The following PIK3R5 variants were observed in gnomAD, a reference collection of about 807,000 sequenced individuals.
The protein encoded by PIK3R5 is phosphoinositide 3-kinase regulatory subunit 5.
In PIK3R5, 32 loss-of-function variants were observed where a neutral mutation model predicts 94.9. The ratio of observed to expected loss-of-function variants is 0.34; its 90% CI spans 0.25 to 0.45. The LOEUF is 0.45. Ranked by LOEUF, PIK3R5 falls within the 20% of genes least tolerant of loss-of-function variation. The probability of loss-of-function intolerance (pLI) is 1.00; values close to 1 mark genes in which losing one functional copy is unlikely to be tolerated. For synonymous variants in PIK3R5, 443 were observed against 479.4 expected (o/e 0.92, Z 0.99); for missense variants, 853 against 1,144.6 (o/e 0.75, Z 3.68).
chr17:8,916,966 A>G (rs537370493), intron 1 of PIK3R5: 1 of 152,404 alleles, frequency 6.6e-6, no homozygotes, highest in South Asian at 2.1e-4. Context: ...AGGCCCATGC[A>G]GTCCTGGGCT....
At chr17:8,932,407 G>C (rs955724545) in intron 1 of PIK3R5, among the ~76,000 whole-genome samples, 4 of 152,056 alleles carry the variant, frequency 2.6e-5, no homozygotes, top group African/African-American at 9.7e-5. Flanking sequence ...GCTGATTTTT[G>C]TATTTTTAAT....
rs1394484297 is a variant in PIK3R5 at position 8,888,912 on chromosome 17, C to T, written c.896-21G>A. The T allele has an allele frequency of 1.9e-6, 3 of 1,582,140 alleles. No homozygotes were observed. Among genetic ancestry groups the T allele is most frequent in the African/African-American group, 1.3e-5 (1 of 74,574 alleles). On this transcript the variant is annotated intron_variant, in intron 9 of 18. Transcript: ENST00000447110. The surrounding 1 kb of genome is among the most constrained non-coding windows in gnomAD (Gnocchi z 7.8). ...GATGTCTGCAGGGAAGCAAGGCCAG[C>T]ACTGTCTGGGCGTCTGGGCCCCGGA...
intron 5 of PIK3R5, among the ~76,000 whole-genome samples, chr17:8,903,275 TTAATA>T (rs1475569334): frequency 6.6e-6 from 1 of 151,828 alleles, no homozygotes; most frequent in African/African-American, 2.4e-5. Context: ...TTTTGTATAT[TTAATA>T]TATTTCTAGA....
intron 1 of PIK3R5, among the ~76,000 whole-genome samples, chr17:8,942,976 A>ACACACACACAC (rs1205127809): frequency 6.6e-6 from 1 of 151,758 alleles, no homozygotes; most frequent in Non-Finnish European, 1.5e-5. Flanking sequence ...ACACACACAC[A>ACACACACACAC]CACACACACA....
chr17:8,902,924 G>C (rs2090320202), intron 5 of PIK3R5, among the ~76,000 whole-genome samples: 1 of 147,854 alleles, frequency 6.8e-6, no homozygotes, highest in Admixed American at 6.7e-5. Flanking sequence ...GGAGGCACTT[G>C]AACCTCCACC....
At chr17:8,952,564 A>T (rs75193090) in intron 1 of PIK3R5, among the ~76,000 whole-genome samples, 1,847 of 152,314 alleles carry the variant, frequency 0.012, 50 homozygotes, top group African/African-American at 0.04. Flanking sequence ...TAAAGGCCAG[A>T]CACTCATTGG....
intron 1 of PIK3R5, among the ~76,000 whole-genome samples, chr17:8,912,691 G>A (rs2090551471): frequency 6.6e-6 from 1 of 152,218 alleles, no homozygotes. Flanking sequence ...AGGAAGCACA[G>A]AGCTCAGAGC....
rs2090150184 is a variant in PIK3R5, at chr17:8,896,228, T to C, written c.413-2573A>G. The stretch of plus-strand genomic sequence containing the variant: ...TGGTTTTCACAATGTTACCTGGTGA[T>C]GCCAGGGAGGCCATGAATGCTAAGT... On this transcript the variant is annotated intron_variant, in intron 5 of 18. Coordinates refer to ENST00000447110, the MANE Select transcript of PIK3R5 (RefSeq NM_001142633.3). This position sits in a 1 kb window ranked among gnomAD's most constrained non-coding sequence, Gnocchi z 4.0. Among the ~76,000 whole-genome samples, 1 of 152,148 alleles carries C rather than the reference T, an allele frequency of 6.6e-6. No individual in the cohort carries two copies. The highest frequency in any genetic ancestry group is 2.4e-5 in the African/African-American group (1 of 41,414).
chr17:8,898,083 T>C (rs1465474541), intron 5 of PIK3R5, among the ~76,000 whole-genome samples: 1 of 152,266 alleles, frequency 6.6e-6, no homozygotes, highest in African/African-American at 2.4e-5. Context: ...CACCTGCCTC[T>C]ACTCTTTTCC....
Position 8,881,989 on chromosome 17 carries a change from C to T in PIK3R5, c.2206-108G>A, listed in dbSNP as rs2089679047. ...GGGGGTTGCCTCTAGTTAGCATATC[C>T]CCAGAAAGCCCTCTCTTATTCACCA... On this transcript the variant is annotated intron_variant, in intron 15 of 18. Coordinates refer to ENST00000447110, the MANE Select transcript of PIK3R5 (RefSeq NM_001142633.3). This position sits in a 1 kb window ranked among gnomAD's most constrained non-coding sequence, Gnocchi z 4.8. 5.1e-6 allele frequency: 4 copies of T among 779,224 alleles called. No homozygotes were observed. Among genetic ancestry groups the T allele is most frequent in the Non-Finnish European group, 6.6e-6 (3 of 455,356 alleles). 48.3% of individuals were successfully genotyped at this position (779,224 alleles called of 1,614,324 possible).
rs1006046585 is a variant in PIK3R5 at position 8,910,017 on chromosome 17, G to A, written c.104-843C>T. Among the ~76,000 whole-genome samples, 13 of 152,238 alleles carry A rather than the reference G, an allele frequency of 8.5e-5. 1 individual carries two copies. Among genetic ancestry groups the A allele is most frequent in the African/African-American group, 2.2e-4 (9 of 41,450 alleles). On this transcript the variant is annotated intron_variant, in intron 2 of 18. Transcript: ENST00000447110. ...AGTTCTATTTTAAAAGCTGCCATGA[G>A]CACTTTGTCACTCTGTAACTTCCCC...
intron 5 of PIK3R5, among the ~76,000 whole-genome samples, chr17:8,897,530 C>T (rs1438854380): frequency 6.6e-6 from 1 of 152,200 alleles, no homozygotes; most frequent in Non-Finnish European, 1.5e-5. Context: ...CCTTTCACCA[C>T]CCTGGTGAGA....
chr17:8,905,220 T>C (rs534693157), intron 4 of PIK3R5, among the ~76,000 whole-genome samples: 1 of 152,394 alleles, frequency 6.6e-6, no homozygotes, highest in South Asian at 2.1e-4. Flanking sequence ...TTGTTATGGA[T>C]AATGGTCTTC....
intron 5 of PIK3R5, among the ~76,000 whole-genome samples, chr17:8,902,165 C>T (rs2090297804): frequency 6.8e-6 from 1 of 147,722 alleles, no homozygotes; most frequent in African/African-American, 2.5e-5. Flanking sequence ...GTACTTGAAT[C>T]ATATTTATTC....
intron 1 of PIK3R5, among the ~76,000 whole-genome samples, chr17:8,938,445 T>G (rs2091115961): frequency 6.6e-6 from 1 of 152,186 alleles, no homozygotes; most frequent in South Asian, 2.1e-4. Flanking sequence ...TTTACTATAC[T>G]CACTAAGTAT....
rs2091057954 is a variant in PIK3R5, at chr17:8,935,590, AT to A, written c.-13-24084del. On this transcript the variant is annotated intron_variant, in intron 1 of 18. Transcript: ENST00000447110. This position sits in a 1 kb window ranked among gnomAD's most constrained non-coding sequence, Gnocchi z 4.5. ...TCAGAGTACAAATACAGGATAATTT[AT>A]ATTTCTATTAATTTATTTCTTTCTG... Among the ~76,000 whole-genome samples, 1 of 152,152 alleles carries A rather than the reference AT, an allele frequency of 6.6e-6. No homozygotes were observed. The highest frequency in any genetic ancestry group is 1.5e-5 in the Non-Finnish European group (1 of 68,036).
At chr17:8,895,146 C>T (rs1384097909) in intron 5 of PIK3R5, among the ~76,000 whole-genome samples, 1 of 152,188 alleles carries the variant, frequency 6.6e-6, no homozygotes, top group Non-Finnish European at 1.5e-5. Context: ...ACGTGCATTA[C>T]AGAGAAGAGA....
Position 8,888,089 on chromosome 17 carries a change from C to T in PIK3R5, c.1616+82G>A, listed in dbSNP as rs1055487226. 46 of 1,213,898 alleles carry T rather than the reference C, an allele frequency of 3.8e-5. No homozygotes were observed. The highest frequency in any genetic ancestry group is 1.5e-4 in the Admixed American group (8 of 52,298). The allele number at this position is 1,213,898 out of a possible 1,614,324, so 75.2% of individuals were successfully genotyped here. A position where few individuals can be genotyped will look rare whatever the true frequency, so the allele number is the denominator to read the frequency against. On this transcript the variant is annotated intron_variant, in intron 10 of 18. Coordinates refer to ENST00000447110, the MANE Select transcript of PIK3R5 (RefSeq NM_001142633.3). The surrounding 1 kb of genome is among the most constrained non-coding windows in gnomAD (Gnocchi z 7.8). Reference sequence around the variant, plus strand: ...AGGGAACTTTTGGTTCCTCTGGGGCCCTAAGCCTCAGGCCCCAGATTCCAC... The same window carrying T: ...AGGGAACTTTTGGTTCCTCTGGGGCTCTAAGCCTCAGGCCCCAGATTCCAC...
rs1022309549 is a variant in PIK3R5, at chr17:8,893,775, G to A, written c.413-120C>T. ...GGAAATTCCCGGATGGAGCTCAGGCGAACCTGCAGAGAAGCTGTTCTGTGG... is the reference window on the plus strand; with the variant it reads ...GGAAATTCCCGGATGGAGCTCAGGCAAACCTGCAGAGAAGCTGTTCTGTGG... On this transcript the variant is annotated intron_variant, in intron 5 of 18. Coordinates refer to ENST00000447110, the MANE Select transcript of PIK3R5 (RefSeq NM_001142633.3). The surrounding 1 kb of genome is among the most constrained non-coding windows in gnomAD (Gnocchi z 5.1). 17 of 725,794 alleles carry A rather than the reference G, an allele frequency of 2.3e-5. No individual in the cohort carries two copies. The highest frequency in any genetic ancestry group is 1.1e-4 in the Admixed American group (5 of 47,322). The allele number at this position is 725,794 out of a possible 1,614,324, so 45.0% of individuals were successfully genotyped here.
Sources: gnomAD v4.1 joint callset for allele counts (sites outside exome capture counted in the v4.1 genomes callset) on GRCh38, gnomAD v4.1.1 for gene constraint, Gnocchi (gnomAD v3.1) non-coding constraint, MANE v1.5 for transcripts, NCBI Gene and HGNC (gene_info 2026-07-23, HGNC 2026-07-21) for gene names.